The following DLGAP1 variants were observed in gnomAD, a reference collection of about 807,000 sequenced individuals.
The protein encoded by DLGAP1 is DLG associated protein 1, also known as disks large-associated protein 1.
Under a neutral mutation model 90.8 loss-of-function variants are expected in DLGAP1, and 11 were observed. The observed-to-expected ratio is 0.12, with a 90% confidence interval of 0.08 to 0.20. The LOEUF is 0.20. Ranked by LOEUF, DLGAP1 falls within the 10% of genes least tolerant of loss-of-function variation. The probability of loss-of-function intolerance (pLI) is 1.00; values close to 1 mark genes in which losing one functional copy is unlikely to be tolerated. For synonymous variants in DLGAP1, 558 were observed against 540.7 expected, an observed-to-expected ratio of 1.03 and a Z score of -0.44; for missense variants, 1,050 against 1,333.8, an observed-to-expected ratio of 0.79 and a Z score of 3.31.
chr18:4,097,025 C>CGA (rs1346319588), intron 2 of DLGAP1, among the ~76,000 whole-genome samples: 1 of 152,248 alleles, frequency 6.6e-6, no homozygotes, highest in Non-Finnish European at 1.5e-5. Context: ...TCTCCTCTCT[C>CGA]TTTCAAATCC....
intron 1 of DLGAP1, among the ~76,000 whole-genome samples, chr18:4,333,808 T>G (rs747605499): frequency 5.2e-4 from 79 of 151,242 alleles, no homozygotes; most frequent in Admixed American, 1.6e-3. Context: ...CACTGTGTTA[T>G]CCAGGATGGT....
rs76218974 is a variant in DLGAP1 at position 3,711,287 on chromosome 18, T to G, written c.1591+17848A>C. On this transcript the variant is annotated intron_variant, in intron 7 of 12. Coordinates refer to ENST00000315677, the MANE Select transcript of DLGAP1 (RefSeq NM_004746.4). The surrounding 1 kb of genome is among the most constrained non-coding windows in gnomAD (Gnocchi z 4.0). The stretch of plus-strand genomic sequence containing the variant: ...AGCTTGATGCCCCTTCTGTAATGAC[T>G]CCAGTGATCAATGCTTTCATCATGC... 6.6e-6 allele frequency among the ~76,000 whole-genome samples: 1 copy of G among 152,308 alleles called. No homozygotes were observed. Among genetic ancestry groups the G allele is most frequent in the African/African-American group, 2.4e-5 (1 of 41,570 alleles).
chr18:3,509,755 T>G lies in DLGAP1; in HGVS notation c.2480-1094A>C, dbSNP rs375541565. 3.3e-5 allele frequency among the ~76,000 whole-genome samples: 5 copies of G among 152,336 alleles called. No homozygotes were observed. The South Asian group carries it at 8.3e-4, about 25-fold the overall frequency. On this transcript the variant is annotated intron_variant, in intron 10 of 12. Coordinates refer to ENST00000315677, the MANE Select transcript of DLGAP1 (RefSeq NM_004746.4). ...CCCACACATTCTGAGCGACGGAAAC[T>G]GAAGAATAAGAAACTCCATTCTGGC...
Position 4,164,397 on chromosome 18 carries a change from G to A in DLGAP1, c.-266-13110C>T, listed in dbSNP as rs115301987. Among the ~76,000 whole-genome samples, 487 of 152,164 alleles carry A rather than the reference G, an allele frequency of 3.2e-3. 4 individuals are homozygous for A. Among genetic ancestry groups the A allele is most frequent in the African/African-American group, 0.011 (464 of 41,528 alleles). Reference sequence around the variant, plus strand: ...ACTGTTTAAACGATCAGACACTGCCGGGGCTGGGTGTGGTGGCTCACGCCT... The same window carrying A: ...ACTGTTTAAACGATCAGACACTGCCAGGGCTGGGTGTGGTGGCTCACGCCT... On this transcript the variant is annotated intron_variant, in intron 1 of 12. Coordinates refer to ENST00000315677, the MANE Select transcript of DLGAP1 (RefSeq NM_004746.4).
At chr18:3,560,648 T>G (rs12458948) in intron 9 of DLGAP1, among the ~76,000 whole-genome samples, 1 of 149,292 alleles carries the variant, frequency 6.7e-6, no homozygotes, top group South Asian at 2.1e-4. Context: ...GGCAGCAAGC[T>G]GCACATTTTT....
At chr18:3,825,196 G>T (rs1377865283) in intron 4 of DLGAP1, among the ~76,000 whole-genome samples, 1 of 152,172 alleles carries the variant, frequency 6.6e-6, no homozygotes, top group African/African-American at 2.4e-5. Context: ...TCATTACAGG[G>T]TTCTCTTCTT....
chr18:3,896,881 A>G (rs920776656), intron 3 of DLGAP1: 1 of 152,250 alleles, frequency 6.6e-6, no homozygotes, highest in African/African-American at 2.4e-5. Context: ...GAAGACCCTC[A>G]TTCCAGAGGG....
chr18:4,338,795 G>T (rs2081127289), intron 1 of DLGAP1, among the ~76,000 whole-genome samples: 1 of 152,130 alleles, frequency 6.6e-6, no homozygotes, highest in South Asian at 2.1e-4. Context: ...TCCCCTATGT[G>T]ATCATCTATG....
intron 4 of DLGAP1, chr18:3,821,971 T>C: frequency 2.0e-6 from 2 of 984,614 alleles, no homozygotes; most frequent in Non-Finnish European, 2.4e-6. Context: ...AAATGCGACT[T>C]GGCTTAAATG....
chr18:3,641,220 T>G (rs901429999), intron 7 of DLGAP1, among the ~76,000 whole-genome samples: 2 of 151,648 alleles, frequency 1.3e-5, no homozygotes, highest in African/African-American at 4.8e-5. Context: ...TAATGTATAT[T>G]ATGAAGGATT....
At chr18:3,609,854 T>A (rs2057515032) in intron 7 of DLGAP1, among the ~76,000 whole-genome samples, 1 of 151,276 alleles carries the variant, frequency 6.6e-6, no homozygotes, top group Non-Finnish European at 1.5e-5. Flanking sequence ...GGTCAGAAGT[T>A]CAAGACCAGC....
chr18:3,674,296 AAT>A (rs1555623973), intron 7 of DLGAP1, among the ~76,000 whole-genome samples: 5 of 128,988 alleles, frequency 3.9e-5, no homozygotes, highest in Middle Eastern at 4.0e-3. Flanking sequence ...ATAATATTAA[AAT>A]ATATATATAT....
At chr18:3,627,289 C>G (rs1278901408) in intron 7 of DLGAP1, among the ~76,000 whole-genome samples, 1 of 152,108 alleles carries the variant, frequency 6.6e-6, no homozygotes, top group Non-Finnish European at 1.5e-5. Flanking sequence ...ATTACTAATA[C>G]AATGCTCTTG....
chr18:3,995,181 A>G (rs1599289795), intron 3 of DLGAP1: 1 of 150,468 alleles, frequency 6.6e-6, no homozygotes, highest in African/African-American at 2.4e-5. Flanking sequence ...GGCTGGCATT[A>G]TGGATTAATT....
chr18:3,816,873 T>C (rs1031369856), intron 4 of DLGAP1, among the ~76,000 whole-genome samples: 2 of 152,230 alleles, frequency 1.3e-5, no homozygotes, highest in African/African-American at 4.8e-5. Context: ...CCGGACACCT[T>C]TGTGCTCATC....
intron 1 of DLGAP1, among the ~76,000 whole-genome samples, chr18:4,159,221 T>C (rs2076805309): frequency 6.6e-6 from 1 of 152,162 alleles, no homozygotes; most frequent in Non-Finnish European, 1.5e-5. Flanking sequence ...AGAGAGTCCT[T>C]CTAAAATACT....
intron 9 of DLGAP1, among the ~76,000 whole-genome samples, chr18:3,546,138 A>T (rs2052999624): frequency 6.6e-6 from 1 of 152,260 alleles, no homozygotes; most frequent in Admixed American, 6.5e-5. Context: ...TCCACTGAAA[A>T]ACAGGCCAGG....
intron 1 of DLGAP1, among the ~76,000 whole-genome samples, chr18:4,156,842 G>A (rs906041011): frequency 5.9e-5 from 9 of 152,132 alleles, no homozygotes; most frequent in Non-Finnish European, 8.8e-5. Context: ...CCTATAAGAT[G>A]AAGAAGATGC....
chr18:3,638,122 AT>A (rs1318805309), intron 7 of DLGAP1, among the ~76,000 whole-genome samples: 1 of 150,518 alleles, frequency 6.6e-6, no homozygotes, highest in Admixed American at 6.6e-5. Context: ...AATTTTTTGT[AT>A]TTTTTAGTAG....
Sources: allele counts gnomAD v4.1 joint callset (sites outside exome capture counted in the v4.1 genomes callset), GRCh38; gene constraint gnomAD v4.1.1; non-coding constraint Gnocchi (gnomAD v3.1); transcripts MANE v1.5; gene names NCBI Gene and HGNC (gene_info 2026-07-23, HGNC 2026-07-21).